The following ASPM variants were observed in gnomAD, a reference collection of about 807,000 sequenced individuals.
ASPM encodes assembly factor for spindle microtubules.
Under a neutral mutation model 366.4 loss-of-function variants are expected in ASPM, and 256 were observed. The ratio of observed to expected loss-of-function variants is 0.70; its 90% CI spans 0.63 to 0.77. The LOEUF (loss-of-function observed/expected upper bound fraction) is 0.77. Among genes scored for constraint, ASPM ranks in the 30% least tolerant of loss-of-function variants. The pLI is 0.00. For missense variants in ASPM, 4,146 were observed against 4,090.4 expected (o/e 1.01, Z -0.37); for synonymous variants, 1,414 against 1,342.9 (o/e 1.05, Z -1.16).
chr1:197,137,505 C>T (rs769320696), intron 4 of ASPM, among the ~76,000 whole-genome samples: 10 of 152,124 alleles, frequency 6.6e-5, no homozygotes, highest in Non-Finnish European at 1.5e-4. Context: ...GGTGTAGTGA[C>T]TCATAGCGCT....
chr1:197,098,945 A>C (rs569640932), intron 18 of ASPM, among the ~76,000 whole-genome samples: 3 of 151,516 alleles, frequency 2.0e-5, no homozygotes, highest in Non-Finnish European at 4.4e-5. Flanking sequence ...CAGATCTTAT[A>C]TACTCCAAAC....
Position 197,100,654 on chromosome 1 carries a change from A to G in ASPM, c.8597T>C (p.Leu2866Ser), listed in dbSNP as rs774221593. 5 of 1,612,292 alleles carry G rather than the reference A, an allele frequency of 3.1e-6. No individual in the cohort carries two copies. Among genetic ancestry groups the G allele is most frequent in the East Asian group, 2.2e-5 (1 of 44,794 alleles). The change falls in exon 18 of 28, where the codon TTA (leucine) becomes TCA (serine). Residue 2866 changes from leucine (L) to serine (S), a missense_variant. By Grantham distance (145) the Leu-to-Ser change is moderately radical (BLOSUM62 -2). Transcript: ENST00000367409. ...TTGCCACGTCCTAAAATAATGCTGT[A>G]AAGTGATAGCAGCTCTTTTCTGCTG... ...FVQQKRAAITLQHYFRTWQTR... is the reference protein window; with the variant it reads ...FVQQKRAAITSQHYFRTWQTR...
intron 10 of ASPM, 57 bp from the exon 11 acceptor site, chr1:197,125,248 C>T (rs1658055785): frequency 1.3e-6 from 2 of 1,580,498 alleles, no homozygotes; most frequent in East Asian, 2.2e-5. Flanking sequence ...TGAAAAAACC[C>T]TTCACTGAAA....
Position 197,102,228 on chromosome 1 carries a change from G to A in ASPM, c.7023C>T (p.Ile2341=), listed in dbSNP as rs115891952. The part of the protein sequence containing the change: ...MREMHRAATF[I]QSTFRMHRLH... ...ATCTGTGCATTCTGAAAGTAGACTG[G>A]ATGAAAGTAGCAGCCCTGTGCATCT... is the stretch of plus-strand genomic sequence containing the variant. Residue 2341 remains isoleucine, a synonymous_variant, in exon 18 of 28, where the codon ATC becomes ATT. Transcript: ENST00000367409. 1.6e-3 allele frequency: 2,530 copies of A among 1,612,702 alleles called. 27 individuals carry two copies. The African/African-American group carries it at 0.028, about 18-fold the overall frequency.
chr1:197,091,774 G>T (rs1318615208), intron 22 of ASPM, 133 bp downstream of exon 22: 11 of 894,034 alleles, frequency 1.2e-5, no homozygotes, highest in Non-Finnish European at 1.7e-5. Flanking sequence ...TCAAATCATT[G>T]TAACAGCTAT....
Position 197,101,909 on chromosome 1 carries a change from T to C in ASPM, c.7342A>G (p.Lys2448Glu), listed in dbSNP as rs942976209. The C allele has an allele frequency of 6.2e-7, 1 of 1,612,886 alleles. No individual in the cohort carries two copies. The highest frequency in any genetic ancestry group is 8.5e-7 in the Non-Finnish European group (1 of 1,179,308). ...QRKYRATICAKHKLYQFLHLR... is the reference protein window; with the variant it reads ...QRKYRATICAEHKLYQFLHLR... ...TGCAAGAATTGGTACAATTTATGTT[T>C]GGCACAAATGGTGGCTCGATATTTC... is the stretch of plus-strand genomic sequence containing the variant. Residue 2448 changes from lysine to glutamate, a missense_variant, in exon 18 of 28, where the codon AAA becomes GAA. By Grantham distance (56) the Lys-to-Glu change is moderately conservative. Coordinates refer to ENST00000367409, the MANE Select transcript of ASPM (RefSeq NM_018136.5).
chr1:197,134,742 A>C (rs761544268), intron 5 of ASPM, among the ~76,000 whole-genome samples: 1 of 152,170 alleles, frequency 6.6e-6, no homozygotes, highest in Non-Finnish European at 1.5e-5. Flanking sequence ...TCCTCATATG[A>C]ATTGGTGTTT....
At chr1:197,089,780 T>G in intron 25 of ASPM, 150 bp downstream of exon 25, 1 of 700,678 alleles carries the variant, frequency 1.4e-6, no homozygotes, top group African/African-American at 1.8e-5. Context: ...TCTACATTTA[T>G]GTTAATAAAC....
At position 197,142,414 on chromosome 1, in the gene ASPM, G is replaced by A; in HGVS notation, c.1838C>T (p.Ala613Val). ...TGTCACATTTTTTGTTTTCTTAACA[G>A]CTGATGTTTTAGGCTCTGAGGGAGA... ...HFSPSEPKTS[A>V]VKKTKNVTTP... is the part of the protein sequence containing the mutation. Residue 613 changes from alanine (A) to valine (V), a missense_variant, in exon 3 of 28, where the codon GCT becomes GTT. Ala to Val is a moderately conservative substitution (Grantham distance 64). Coordinates refer to ENST00000367409, the MANE Select transcript of ASPM (RefSeq NM_018136.5). 6.2e-7 allele frequency: 1 copy of A among 1,613,882 alleles called. No homozygotes were observed. The highest frequency in any genetic ancestry group is 1.7e-5 in the Admixed American group (1 of 60,018).
chr1:197,107,157 G>A (rs900182386), intron 17 of ASPM, among the ~76,000 whole-genome samples: 3 of 152,038 alleles, frequency 2.0e-5, no homozygotes, highest in Non-Finnish European at 4.4e-5. Context: ...GGAGCTCAGG[G>A]AAGCAATCTG....
At chr1:197,088,016 AT>A (rs907302390) in intron 26 of ASPM, among the ~76,000 whole-genome samples, 2 of 152,192 alleles carry the variant, frequency 1.3e-5, no homozygotes, top group Non-Finnish European at 2.9e-5. Flanking sequence ...TCTCTAGTAA[AT>A]GGGAAATGGT....
intron 10 of ASPM, among the ~76,000 whole-genome samples, chr1:197,127,760 T>C (rs1484344854): frequency 1.3e-5 from 2 of 152,204 alleles, no homozygotes; most frequent in Non-Finnish European, 2.9e-5. Context: ...TGTGGAAAAC[T>C]TGGGCAATCT....
In ASPM at chr1:197,129,961, T is replaced by C; in HGVS notation, c.2583A>G (p.Ile861Met). 6.2e-7 allele frequency: 1 copy of C among 1,613,982 alleles called. No individual in the cohort carries two copies. Among genetic ancestry groups the C allele is most frequent in the Admixed American group, 1.7e-5 (1 of 60,020 alleles). ...CAGTGGGGTGTCTATACTCAGCTGCTATATCAGGATTCCAAAGTAGGCGAT... is the reference window on the plus strand; with the variant it reads ...CAGTGGGGTGTCTATACTCAGCTGCCATATCAGGATTCCAAAGTAGGCGAT... ...ILNRLLWNPD[I>M]AAEYRHPTVP... The change falls in exon 8 of 28, where the codon ATA becomes ATG. Residue 861 changes from isoleucine (I) to methionine (M), a missense_variant. Physicochemically the swap from Ile to Met is conservative, Grantham distance 10. Transcript: ENST00000367409.
At chr1:197,092,263 G>A (rs1437888704) in intron 21 of ASPM, among the ~76,000 whole-genome samples, 1 of 151,712 alleles carries the variant, frequency 6.6e-6, no homozygotes, top group Non-Finnish European at 1.5e-5. Context: ...ATAACTCAGA[G>A]TGTAGAAAGC....
chr1:197,107,641 A>T (rs1242948151), intron 17 of ASPM, among the ~76,000 whole-genome samples: 1 of 152,170 alleles, frequency 6.6e-6, no homozygotes, highest in Non-Finnish European at 1.5e-5. Flanking sequence ...CAACGACTTT[A>T]GAGCAGATAA....
Position 197,088,149 on chromosome 1 carries a change from A to G in ASPM, c.10161+107T>C, listed in dbSNP as rs202161576. ...GTGCAAAAAGCAGGTTTGAACACAC[A>G]TAAAACCCTATTTTAGAGTGATAAT... On this transcript the variant is annotated intron_variant, in intron 26 of 27. Transcript: ENST00000367409. The G allele has an allele frequency of 5.8e-4, 743 of 1,275,962 alleles. 1 individual carries two copies. The highest frequency in any genetic ancestry group is 8.0e-4 in the Non-Finnish European group (715 of 897,780). The allele number at this position is 1,275,962 out of a possible 1,614,324, so 79.0% of individuals were successfully genotyped here.
Position 197,124,111 on chromosome 1 carries a change from T to C in ASPM, c.3389A>G (p.Lys1130Arg). 2 of 1,605,830 alleles carry C rather than the reference T, an allele frequency of 1.2e-6. No homozygotes were observed. Among genetic ancestry groups the C allele is most frequent in the Middle Eastern group, 1.7e-4 (1 of 5,976 alleles). Residue 1130 changes from lysine to arginine, a missense_variant and splice_region_variant, in exon 13 of 28, where the codon AAG becomes AGG. This residue lies in a region of ASPM where 3,624 missense variants were observed against 3,591.7 expected (regional missense o/e 1.01). Transcript: ENST00000367409. ...VNAVCAFYNKKVENFTVSFSD... is the reference protein window; with the variant it reads ...VNAVCAFYNKRVENFTVSFSD... The stretch of plus-strand genomic sequence containing the variant: ...AAAACAAAAAACAAAGAAACTTACC[T>C]TTTTATTATAGAAGGCACAAACAGC...
rs917756759 is a variant in ASPM, at chr1:197,084,133, T to C, written c.*191A>G. Reference sequence around the variant, plus strand: ...ATAGACAGGAATAATATAATCATCTTATGACATATTAGTTTATTACATGCA... The same window carrying C: ...ATAGACAGGAATAATATAATCATCTCATGACATATTAGTTTATTACATGCA... On this transcript the variant is annotated 3_prime_UTR_variant, in exon 28 of 28. Coordinates refer to ENST00000367409, the MANE Select transcript of ASPM (RefSeq NM_018136.5). 14 of 586,120 alleles carry C rather than the reference T, an allele frequency of 2.4e-5. No individual in the cohort carries two copies. Among genetic ancestry groups the C allele is most frequent in the African/African-American group, 2.1e-4 (11 of 53,616 alleles). 36.3% of individuals were successfully genotyped at this position (586,120 alleles called of 1,614,324 possible).
chr1:197,131,943 T>A (rs2125108723), intron 7 of ASPM, among the ~76,000 whole-genome samples: 1 of 152,308 alleles, frequency 6.6e-6, no homozygotes, highest in East Asian at 1.9e-4. Flanking sequence ...TTAAGAAATT[T>A]AAATTAGAAA....
Sources: gnomAD v4.1 joint callset for allele counts (sites outside exome capture counted in the v4.1 genomes callset) on GRCh38, gnomAD v4.1.1 for gene constraint, gnomAD v4.1.1 regional missense constraint, MANE v1.5 for transcripts, NCBI Gene and HGNC (gene_info 2026-07-23, HGNC 2026-07-21) for gene names.